Variants in SLC2A8 observed in about 807,000 individuals in gnomAD.
The protein encoded by SLC2A8 is solute carrier family 2 member 8, also known as solute carrier family 2, facilitated glucose transporter member 8.
Under a neutral mutation model 49.2 loss-of-function variants are expected in SLC2A8, and 53 were observed. The ratio of observed to expected loss-of-function variants is 1.08; its 90% CI spans 0.86 to 1.35. The LOEUF (loss-of-function observed/expected upper bound fraction) is 1.35. SLC2A8 is among the 40% of genes most tolerant of loss of function. The pLI is 0.00. For synonymous variants in SLC2A8, 299 were observed against 297.0 expected (o/e 1.01, Z -0.07); for missense variants, 688 against 671.7 (o/e 1.02, Z -0.27).
chr9:127,398,043 G>C lies in SLC2A8; in HGVS notation c.358G>C (p.Val120Leu). 6.3e-7 allele frequency: 1 copy of C among 1,587,274 alleles called. No homozygotes were observed. Among genetic ancestry groups the C allele is most frequent in the Non-Finnish European group, 8.5e-7 (1 of 1,173,318 alleles). ...GFAVITAAQD[V>L]WMLLGGRLLT... ...TGCCGTCATCACCGCGGCCCAGGAC[G>C]TGTGGATGCTGCTGGGGGGCCGCCT... Residue 120 changes from valine to leucine, a missense_variant, in exon 3 of 10, where the codon GTG (valine) becomes CTG (leucine). Transcript: ENST00000373371.
chr9:127,398,910 A>T lies in SLC2A8; in HGVS notation c.426+799A>T, dbSNP rs1469058653. 5.9e-5 allele frequency among the ~76,000 whole-genome samples: 9 copies of T among 152,250 alleles called. No individual in the cohort carries two copies. The East Asian group carries it at 1.7e-3, about 29-fold the overall frequency. ...CCCCCAAGTGAGGTTGAAAGCAGCC[A>T]CTCAGGCCCCTCCCTGGGTGCTCAT... On this transcript the variant is annotated intron_variant, in intron 3 of 9. Transcript: ENST00000373371.
Position 127,397,930 on chromosome 9 carries a change from CG to C in SLC2A8, c.251del (p.Gly84GlufsTer15), listed in dbSNP as rs1391916495. Reference protein sequence around the residue: ...FGAVVTLGAAAGGVLGGWLVD... With the variant: ...FGAVVTLGAAXGGVLGGWLVD... ...GCTGTCGTGACCCTGGGTGCCGCGGCGGGGGGAGTGCTGGGCGGCTGGCTGG... is the reference window on the plus strand; with the variant it reads ...GCTGTCGTGACCCTGGGTGCCGCGGCGGGGGAGTGCTGGGCGGCTGGCTGG... On this transcript the variant is annotated frameshift_variant, in exon 3 of 10. Transcript: ENST00000373371. LOFTEE classifies it high-confidence loss of function. The C allele has an allele frequency of 1.3e-5, 20 of 1,530,230 alleles. No individual in the cohort carries two copies. Among genetic ancestry groups the C allele is most frequent in the Non-Finnish European group, 1.7e-5 (19 of 1,144,856 alleles). The allele number at this position is 1,530,230 out of a possible 1,614,324, so 94.8% of individuals were successfully genotyped here.
In SLC2A8 at chr9:127,397,521, G is replaced by T. The variant is rs928390236; in HGVS notation, c.202G>T (p.Ala68Ser). The change falls in exon 2 of 10, where the codon GCC (alanine) becomes TCC (serine). Residue 68 changes from alanine (A) to serine (S), a missense_variant. Coordinates refer to ENST00000373371, the MANE Select transcript of SLC2A8 (RefSeq NM_014580.5). ...APPAPRLDDA[A>S]ASWFGAVVTL... ...CCCGGCCCCGCGCCTGGACGACGCC[G>T]CCGCCTCCTGGTTCGGGGTGAGGCC... The T allele has an allele frequency of 7.0e-7, 1 of 1,423,424 alleles. No individual in the cohort carries two copies. The highest frequency in any genetic ancestry group is 9.1e-7 in the Non-Finnish European group (1 of 1,099,806). 88.2% of individuals were successfully genotyped at this position (1,423,424 alleles called of 1,614,324 possible). A position where few individuals can be genotyped will look rare whatever the true frequency, so the allele number is the denominator to read the frequency against.
chr9:127,397,693 GC>G (rs981614031), intron 2 of SLC2A8, among the ~76,000 whole-genome samples, 155 bp downstream of exon 2: 39 of 151,900 alleles, frequency 2.6e-4, no homozygotes, highest in Non-Finnish European at 4.3e-4. Flanking sequence ...GGGCCTCTCT[GC>G]CCCCCATCCC....
rs1833331930 is a variant in SLC2A8 at position 127,402,620 on chromosome 9, T to C, written c.590T>C (p.Leu197Pro). The C allele has an allele frequency of 6.3e-7, 1 of 1,598,448 alleles. No homozygotes were observed. Among genetic ancestry groups the C allele is most frequent in the Non-Finnish European group, 8.5e-7 (1 of 1,174,988 alleles). ...TGCGTGCCCCCCTCCCTCATGCTGC[T>C]TCTCATGTGCTTCATGCCCGAGACC... Reference protein sequence around the residue: ...LGCVPPSLMLLLMCFMPETPR... With the variant: ...LGCVPPSLMLPLMCFMPETPR... The change falls in exon 5 of 10, where the codon CTT becomes CCT. Residue 197 changes from leucine to proline, a missense_variant. Physicochemically the swap from Leu to Pro is moderately conservative, Grantham distance 98. Coordinates refer to ENST00000373371, the MANE Select transcript of SLC2A8 (RefSeq NM_014580.5).
intron 3 of SLC2A8, among the ~76,000 whole-genome samples, chr9:127,398,804 C>T (rs997872244): frequency 2.6e-5 from 4 of 152,240 alleles, no homozygotes; most frequent in African/African-American, 9.6e-5. Context: ...TAGACAGCCC[C>T]TGGCATGGCT....
rs753957668 is a variant in SLC2A8 at position 127,402,674 on chromosome 9, G to T, written c.644G>T (p.Arg215Leu). The T allele has an allele frequency of 1.3e-6, 2 of 1,577,052 alleles. No homozygotes were observed. The highest frequency in any genetic ancestry group is 1.2e-5 in the South Asian group (1 of 86,326). Residue 215 changes from arginine (R) to leucine (L), a missense_variant, in exon 5 of 10, where the codon CGC becomes CTC. Arg to Leu is a moderately radical substitution (Grantham distance 102). Coordinates refer to ENST00000373371, the MANE Select transcript of SLC2A8 (RefSeq NM_014580.5). ...CGCTTCCTGCTGACTCAGCACAGGC[G>T]CCAGGAGGCCATGGCCGCCCTGCGG... Reference protein sequence around the residue: ...TPRFLLTQHRRQEAMAALRFL... With the variant: ...TPRFLLTQHRLQEAMAALRFL...
At position 127,403,817 on chromosome 9, in the gene SLC2A8, G is replaced by A; in HGVS notation, c.867+14G>A. 1.2e-6 allele frequency: 2 copies of A among 1,610,230 alleles called. No individual in the cohort carries two copies. Among genetic ancestry groups the A allele is most frequent in the South Asian group, 1.1e-5 (1 of 91,014 alleles). On this transcript the variant is annotated intron_variant, in intron 6 of 9. Coordinates refer to ENST00000373371, the MANE Select transcript of SLC2A8 (RefSeq NM_014580.5). The stretch of plus-strand genomic sequence containing the variant: ...GCCAAGTTCAAGGTAAAAGGGCCCT[G>A]CCTGGCCTGCCTCGTCCAGCCCCCA...
At chr9:127,402,315 A>G in intron 4 of SLC2A8, 1 of 477,626 alleles carries the variant, frequency 2.1e-6, no homozygotes, top group Non-Finnish European at 3.6e-6. Context: ...GTTTCGTTGA[A>G]CGGATGCAGC....
intron 4 of SLC2A8, 124 bp from the exon 5 acceptor site, chr9:127,402,433 A>C (rs906595480): frequency 7.3e-6 from 10 of 1,378,366 alleles, no homozygotes; most frequent in Non-Finnish European, 9.5e-6. Context: ...GTCAGTAGCG[A>C]ACATGAGGGC....
At chr9:127,403,557 T>A (rs1403074688) in intron 5 of SLC2A8, 103 bp from the exon 6 acceptor site, 1 of 1,376,850 alleles carries the variant, frequency 7.3e-7, no homozygotes, top group African/African-American at 1.4e-5. Context: ...AGCCAAGACG[T>A]GGGAGTCAGC....
In SLC2A8 at chr9:127,399,883, A is replaced by G; in HGVS notation, c.427-24A>G. The G allele has an allele frequency of 1.2e-6, 2 of 1,604,266 alleles. No individual in the cohort carries two copies. The highest frequency in any genetic ancestry group is 4.5e-5 in the East Asian group (2 of 44,686). On this transcript the variant is annotated intron_variant, in intron 3 of 9. Transcript: ENST00000373371. This position sits in a 1 kb window ranked among gnomAD's most constrained non-coding sequence, Gnocchi z 4.2. ...GGCATGAGCCACTGCGCCCAGCCAT[A>G]AATCCTCATCTGATTGCTGGCAGGT...
chr9:127,405,689 G>A, intron 9 of SLC2A8, 124 bp downstream of exon 9: 2 of 1,323,510 alleles, frequency 1.5e-6, no homozygotes, highest in Non-Finnish European at 2.1e-6. Context: ...CACCATGCCT[G>A]GGCCACTGGC....
At position 127,404,037 on chromosome 9, in the gene SLC2A8, G is replaced by A. The variant is rs1325776185; in HGVS notation, c.946G>A (p.Ala316Thr). The A allele has an allele frequency of 5.6e-6, 9 of 1,602,282 alleles. No homozygotes were observed. Among genetic ancestry groups the A allele is most frequent in the Non-Finnish European group, 7.7e-6 (9 of 1,171,634 alleles). ...TGTGGCGGCTCTCATCATGGACAGAGCAGGGCGGAGGCTGCTCCTGGTCTT... is the reference window on the plus strand; with the variant it reads ...TGTGGCGGCTCTCATCATGGACAGAACAGGGCGGAGGCTGCTCCTGGTCTT... ...TAVAALIMDRAGRRLLLVLSG... is the reference protein window; with the variant it reads ...TAVAALIMDRTGRRLLLVLSG... Residue 316 changes from alanine to threonine, a missense_variant, in exon 7 of 10, where the codon GCA (alanine) becomes ACA (threonine). Coordinates refer to ENST00000373371, the MANE Select transcript of SLC2A8 (RefSeq NM_014580.5).
rs1052868772 is a variant in SLC2A8, at chr9:127,403,800, C to T, written c.864C>T (p.Phe288=). 6.2e-7 allele frequency: 1 copy of T among 1,612,528 alleles called. No individual in the cohort carries two copies. The highest frequency in any genetic ancestry group is 8.5e-7 in the Non-Finnish European group (1 of 1,179,584). Reference sequence around the variant, plus strand: ...AGACCATCTTTGAAGAGGCCAAGTTCAAGGTAAAAGGGCCCTGCCTGGCCT... The same window carrying T: ...AGACCATCTTTGAAGAGGCCAAGTTTAAGGTAAAAGGGCCCTGCCTGGCCT... The part of the protein sequence containing the change: ...YAETIFEEAK[F]KDSSLASVVV... Residue 288 remains phenylalanine, a synonymous_variant, in exon 6 of 10, where the codon TTC becomes TTT. Coordinates refer to ENST00000373371, the MANE Select transcript of SLC2A8 (RefSeq NM_014580.5).
At position 127,407,646 on chromosome 9, in the gene SLC2A8, A is replaced by G. The variant is rs1219485963; in HGVS notation, c.*397A>G. The G allele has an allele frequency of 8.5e-6, 3 of 353,252 alleles. No homozygotes were observed. Among genetic ancestry groups the G allele is most frequent in the African/African-American group, 2.1e-5 (1 of 46,634 alleles). The allele number at this position is 353,252 out of a possible 1,614,324, so 21.9% of individuals were successfully genotyped here. A position where few individuals can be genotyped will look rare whatever the true frequency, so the allele number is the denominator to read the frequency against. On this transcript the variant is annotated 3_prime_UTR_variant, in exon 10 of 10. Coordinates refer to ENST00000373371, the MANE Select transcript of SLC2A8 (RefSeq NM_014580.5). ...ATCGGGAAGGAAATTTGTTTGCCAA[A>G]TAAAGACTGACACAGAAAATCAGGT...
Position 127,404,992 on chromosome 9 carries a change from G to A in SLC2A8, c.1150+1G>A, listed in dbSNP as rs1318393606. The A allele has an allele frequency of 1.3e-6, 2 of 1,594,918 alleles. No individual in the cohort carries two copies. Among genetic ancestry groups the A allele is most frequent in the East Asian group, 4.5e-5 (2 of 44,492 alleles). On this transcript the variant is annotated splice_donor_variant, in intron 8 of 9. Transcript: ENST00000373371. LOFTEE classifies it high-confidence loss of function. ...GGCAGCATGTGCCTCTTCATCGCCGGTAAGGGGGCCTGTGGGAGGCTGGGC... is the reference window on the plus strand; with the variant it reads ...GGCAGCATGTGCCTCTTCATCGCCGATAAGGGGGCCTGTGGGAGGCTGGGC...
At chr9:127,402,786 G>A (rs1833342463) in intron 5 of SLC2A8, 33 bp downstream of exon 5, 1 of 1,500,284 alleles carries the variant, frequency 6.7e-7, no homozygotes, top group Non-Finnish European at 8.9e-7. Flanking sequence ...TGACAGGAGT[G>A]GGACAGCAGT....
chr9:127,403,618 A>AG, intron 5 of SLC2A8, 42 bp from the exon 6 acceptor site: 1 of 1,610,588 alleles, frequency 6.2e-7, no homozygotes, highest in Non-Finnish European at 8.5e-7. Context: ...CGCTTGCGGG[A>AG]GGGGAGAGAG....
Sources: gnomAD v4.1 joint callset for allele counts (sites outside exome capture counted in the v4.1 genomes callset) on GRCh38, gnomAD v4.1.1 for gene constraint, Gnocchi (gnomAD v3.1) non-coding constraint, MANE v1.5 for transcripts, NCBI Gene and HGNC (gene_info 2026-07-23, HGNC 2026-07-21) for gene names.